PRDM16: variants seen among roughly 807,000 people sequenced by gnomAD.
The protein encoded by PRDM16 is PR/SET domain 16.
PRDM16 carries 23 observed loss-of-function variants against 110.6 expected under a neutral mutation model. The observed-to-expected ratio is 0.21, with a 90% CI of 0.15 to 0.29. PRDM16 has a LOEUF of 0.29. Among genes scored for constraint, PRDM16 ranks in the 10% least tolerant of loss-of-function variants. PRDM16 has a pLI of 1.00. For missense variants in PRDM16, 1,615 were observed against 1,794.3 expected, an observed-to-expected ratio of 0.90 and a Z score of 1.81; for synonymous variants, 799 against 781.8, an observed-to-expected ratio of 1.02 and a Z score of -0.37.
At chr1:3,165,620 G>C (rs1226718211) in intron 1 of PRDM16, among the ~76,000 whole-genome samples, 154 of 116,818 alleles carry the variant, frequency 1.3e-3, no homozygotes, top group Non-Finnish European at 2.2e-3. Context: ...TGGGCTCAGG[G>C]ACAGGGACTC....
chr1:3,423,633 G>A (rs564467787), intron 12 of PRDM16, among the ~76,000 whole-genome samples: 9 of 152,312 alleles, frequency 5.9e-5, no homozygotes, highest in East Asian at 1.9e-4. Context: ...CGGTCGGGGC[G>A]GGGTGGGGCC....
intron 5 of PRDM16, among the ~76,000 whole-genome samples, chr1:3,398,836 A>T (rs1192029524): frequency 1.3e-5 from 2 of 152,192 alleles, no homozygotes; most frequent in African/African-American, 4.8e-5. Flanking sequence ...TTTCATTTCC[A>T]ATCACTATAT....
intron 2 of PRDM16, among the ~76,000 whole-genome samples, chr1:3,200,340 T>TA (rs939069930): frequency 6.6e-6 from 1 of 152,126 alleles, no homozygotes; most frequent in Non-Finnish European, 1.5e-5. Context: ...AGGTGGATTT[T>TA]TTTTTTATTT....
At chr1:3,344,952 C>T (rs4648379) in intron 3 of PRDM16, among the ~76,000 whole-genome samples, 48,014 of 152,106 alleles carry the variant, frequency 0.32, 7,865 homozygotes, top group East Asian at 0.6. Context: ...CAACCTCCCT[C>T]ATGCATGAGC....
At chr1:3,132,318 G>A (rs1182701667) in intron 1 of PRDM16, among the ~76,000 whole-genome samples, 2 of 152,206 alleles carry the variant, frequency 1.3e-5, no homozygotes, top group Non-Finnish European at 2.9e-5. Context: ...TCTGTGTCCG[G>A]TGAGCAGAGG....
Position 3,412,005 on chromosome 1 carries a change from A to G in PRDM16, c.1808A>G (p.Asp603Gly). ...TRSSDMSDGS[D>G]FEDVNTTTGT... ...AGCAGCGACATGTCGGACGGCAGTG[A>G]CTTTGAGGACGTCAACACCACCACG... The change falls in exon 9 of 17, where the codon GAC becomes GGC. Residue 603 changes from aspartate (D) to glycine (G), a missense_variant. By Grantham distance (94) the Asp-to-Gly change is moderately conservative. This residue lies in a region of PRDM16 where 772 missense variants were observed against 748.3 expected (regional missense o/e 1.03). Coordinates refer to ENST00000270722, the MANE Select transcript of PRDM16 (RefSeq NM_022114.4). 1 of 1,613,616 alleles carries G rather than the reference A, an allele frequency of 6.2e-7. No individual in the cohort carries two copies. The highest frequency in any genetic ancestry group is 8.5e-7 in the Non-Finnish European group (1 of 1,179,972).
intron 4 of PRDM16, 67 bp from the exon 5 acceptor site, chr1:3,396,424 G>C (rs764304424): frequency 3.1e-5 from 27 of 859,374 alleles, no homozygotes; most frequent in Non-Finnish European, 4.9e-5. Context: ...GGCTGAGTGT[G>C]CACTGAGAGG....
In PRDM16 at chr1:3,213,099, C is replaced by T. The variant is rs1185426108; in HGVS notation, c.387+26625C>T. On this transcript the variant is annotated intron_variant, in intron 2 of 16. Transcript: ENST00000270722. The surrounding 1 kb of genome is among the most constrained non-coding windows in gnomAD (Gnocchi z 5.3). ...CCCCGGGAGGCCGAGCTCAGGAAGA[C>T]GCGGCAAATCCCATCCTATGTGCTT... Among the ~76,000 whole-genome samples the T allele has an allele frequency of 6.6e-6, 1 of 152,172 alleles. No homozygotes were observed. The highest frequency in any genetic ancestry group is 2.4e-5 in the African/African-American group (1 of 41,444).
intron 3 of PRDM16, among the ~76,000 whole-genome samples, chr1:3,257,780 C>A (rs1640082903): frequency 6.6e-6 from 1 of 152,200 alleles, no homozygotes; most frequent in Non-Finnish European, 1.5e-5. Context: ...AGGATACAAC[C>A]AACCACACAT....
intron 3 of PRDM16, among the ~76,000 whole-genome samples, chr1:3,366,125 G>T (rs2100568862): frequency 6.6e-6 from 1 of 152,350 alleles, no homozygotes; most frequent in South Asian, 2.1e-4. Flanking sequence ...CTTGACCTGT[G>T]GCTCAGGGGG....
chr1:3,212,783 C>T (rs1241770433), intron 2 of PRDM16, among the ~76,000 whole-genome samples: 1 of 152,228 alleles, frequency 6.6e-6, no homozygotes, highest in Non-Finnish European at 1.5e-5. Flanking sequence ...TCCGCCGCTA[C>T]CTCGGCGTGG....
chr1:3,203,738 C>T (rs1463170254), intron 2 of PRDM16, among the ~76,000 whole-genome samples: 4 of 152,182 alleles, frequency 2.6e-5, no homozygotes, highest in African/African-American at 7.2e-5. Context: ...ATATTGGATT[C>T]GGACCACCCT....
intron 3 of PRDM16, among the ~76,000 whole-genome samples, chr1:3,342,911 G>C (rs1250400357): frequency 1.3e-5 from 2 of 152,110 alleles, no homozygotes; most frequent in African/African-American, 4.8e-5. Context: ...GGCGTTTTGG[G>C]TTGTATCAGA....
rs547798768 is a variant in PRDM16 at position 3,313,201 on chromosome 1, C to T, written c.438+69064C>T. On this transcript the variant is annotated intron_variant, in intron 3 of 16. Transcript: ENST00000270722. ...GCCTCATCCACAGGCCGGCTGCCCA[C>T]GGAGCCTTAGACATCGAGGCCAGAG... Among the ~76,000 whole-genome samples, 6 of 152,356 alleles carry T rather than the reference C, an allele frequency of 3.9e-5. No individual in the cohort carries two copies. The South Asian group carries it at 6.2e-4, about 16-fold the overall frequency.
Position 3,353,736 on chromosome 1 carries a change from G to C in PRDM16, c.439-31416G>C, listed in dbSNP as rs1308946595. On this transcript the variant is annotated intron_variant, in intron 3 of 16. Coordinates refer to ENST00000270722, the MANE Select transcript of PRDM16 (RefSeq NM_022114.4). The surrounding 1 kb of genome is among the most constrained non-coding windows in gnomAD (Gnocchi z 5.4). ...TTGGGGATGCCGAAGCAGCCAGAGA[G>C]TGGCCAAGGGGGTTGCACTTGGGGC... 6.6e-6 allele frequency among the ~76,000 whole-genome samples: 1 copy of C among 152,204 alleles called. No individual in the cohort carries two copies. Among genetic ancestry groups the C allele is most frequent in the Non-Finnish European group, 1.5e-5 (1 of 68,024 alleles).
intron 12 of PRDM16, among the ~76,000 whole-genome samples, chr1:3,420,436 C>T (rs1219513383): frequency 6.6e-6 from 1 of 152,250 alleles, no homozygotes; most frequent in Non-Finnish European, 1.5e-5. Flanking sequence ...GCCGCATGTG[C>T]ATATGTGTGT....
chr1:3,388,316 C>T (rs190144359), intron 4 of PRDM16, among the ~76,000 whole-genome samples: 1 of 152,236 alleles, frequency 6.6e-6, no homozygotes, highest in Non-Finnish European at 1.5e-5. Flanking sequence ...TTCTCTGTCT[C>T]TCTCTTTCAA....
intron 1 of PRDM16, among the ~76,000 whole-genome samples, chr1:3,109,021 G>A (rs1642726967): frequency 6.6e-6 from 1 of 151,816 alleles, no homozygotes; most frequent in East Asian, 1.9e-4. Flanking sequence ...GGTGGAGGTT[G>A]CAGTGAGCCA....
At chr1:3,365,309 G>A (rs370821728) in intron 3 of PRDM16, among the ~76,000 whole-genome samples, 35 of 152,302 alleles carry the variant, frequency 2.3e-4, no homozygotes, top group African/African-American at 8.2e-4. Context: ...TGTGTCACAC[G>A]TGTGCCAGAT....
Sources: allele counts gnomAD v4.1 joint callset (sites outside exome capture counted in the v4.1 genomes callset), GRCh38; gene constraint gnomAD v4.1.1; regional missense constraint gnomAD v4.1.1; non-coding constraint Gnocchi (gnomAD v3.1); transcripts MANE v1.5; gene names NCBI Gene and HGNC (gene_info 2026-07-23, HGNC 2026-07-21).